BEND6: variants seen among roughly 807,000 people sequenced by gnomAD.
BEND6 encodes BEN domain containing 6, also known as BEN domain-containing protein 6.
In BEND6, 24 loss-of-function variants were observed where a neutral mutation model predicts 31.8. The observed-to-expected ratio is 0.75, with a 90% CI of 0.55 to 1.06. The LOEUF (loss-of-function observed/expected upper bound fraction) is 1.06, where lower values mean the gene tolerates loss of function less well. Ranked by LOEUF, BEND6 falls within the 50% of genes least tolerant of loss-of-function variation. The probability of loss-of-function intolerance (pLI) is 0.00; values close to 1 mark genes in which losing one functional copy is unlikely to be tolerated. For synonymous variants in BEND6, 109 were observed against 114.6 expected (o/e 0.95, Z 0.31); for missense variants, 294 against 327.4 (o/e 0.90, Z 0.79).
rs114042728 is a variant in BEND6 at position 56,970,019 on chromosome 6, A to G, written c.-100-11692A>G. On this transcript the variant is annotated intron_variant, in intron 1 of 6. Coordinates refer to ENST00000370746, the MANE Select transcript of BEND6 (RefSeq NM_152731.3). Reference sequence around the variant, plus strand: ...GCACTTTTTTTAAATGAAATAAAATAGAGCAGACAGAATAGAAACTGAGAC... The same window carrying G: ...GCACTTTTTTTAAATGAAATAAAATGGAGCAGACAGAATAGAAACTGAGAC... 3.5e-3 allele frequency among the ~76,000 whole-genome samples: 531 copies of G among 152,330 alleles called. 5 individuals are homozygous for G. The highest frequency in any genetic ancestry group is 0.012 in the African/African-American group (490 of 41,572).
chr6:56,966,808 T>C (rs1383489511), intron 1 of BEND6, among the ~76,000 whole-genome samples: 1 of 152,186 alleles, frequency 6.6e-6, no homozygotes, highest in African/African-American at 2.4e-5. Flanking sequence ...ACAGAGGGAC[T>C]CTGGTACAGA....
At chr6:57,011,848 G>A (rs1343067882) in intron 3 of BEND6, among the ~76,000 whole-genome samples, 2 of 151,968 alleles carry the variant, frequency 1.3e-5, no homozygotes, top group East Asian at 1.9e-4. Flanking sequence ...TTACAGGACC[G>A]GGCATGGTGG....
chr6:56,960,518 G>C (rs1242321702), intron 1 of BEND6, among the ~76,000 whole-genome samples: 4 of 152,198 alleles, frequency 2.6e-5, no homozygotes, highest in African/African-American at 4.8e-5. Context: ...TACAAATTAA[G>C]TTCTAGGTTG....
chr6:56,975,891 C>T (rs1218125302), intron 1 of BEND6: 12 of 526,042 alleles, frequency 2.3e-5, no homozygotes, highest in Non-Finnish European at 4.6e-5. Flanking sequence ...CTTGCAGGTT[C>T]AACAATAACA....
intron 3 of BEND6, among the ~76,000 whole-genome samples, chr6:56,993,443 A>G (rs933171616): frequency 1.3e-5 from 2 of 152,228 alleles, no homozygotes; most frequent in African/African-American, 4.8e-5. Context: ...GTCCAGTCTC[A>G]CATGGTAGCA....
chr6:56,956,579 T>C (rs984645577), intron 1 of BEND6, among the ~76,000 whole-genome samples: 1 of 152,242 alleles, frequency 6.6e-6, no homozygotes, highest in Non-Finnish European at 1.5e-5. Flanking sequence ...TGTTGACATG[T>C]TGCATCTCAT....
chr6:56,969,732 TG>T (rs1221196026), intron 1 of BEND6, among the ~76,000 whole-genome samples: 81 of 151,896 alleles, frequency 5.3e-4, no homozygotes, highest in African/African-American at 1.6e-3. Context: ...TTGGTGACTT[TG>T]TTTTTTTTTT....
chr6:57,014,031 T>C (rs1485683667), intron 3 of BEND6: 1 of 152,716 alleles, frequency 6.5e-6, no homozygotes, highest in African/African-American at 2.4e-5. Context: ...CAGGTAAAGA[T>C]AATACCTATC....
intron 3 of BEND6, chr6:57,009,704 T>C (rs916676187): frequency 3.9e-5 from 6 of 152,130 alleles, no homozygotes; most frequent in Non-Finnish European, 8.8e-5. Context: ...TAGAAGAGCT[T>C]CCCACAAGCC....
At chr6:57,015,798 G>A (rs954675250) in intron 4 of BEND6, among the ~76,000 whole-genome samples, 18 of 146,398 alleles carry the variant, frequency 1.2e-4, no homozygotes, top group Admixed American at 8.9e-4. Flanking sequence ...GCGACAGAGC[G>A]AGACTCCGTC....
At chr6:56,998,025 T>A (rs1208618036) in intron 3 of BEND6, among the ~76,000 whole-genome samples, 4 of 151,832 alleles carry the variant, frequency 2.6e-5, no homozygotes, top group Non-Finnish European at 5.9e-5. Context: ...AAAAGATAAT[T>A]CACTAAATTA....
At chr6:56,972,398 G>A (rs891735251) in intron 1 of BEND6, among the ~76,000 whole-genome samples, 2 of 151,986 alleles carry the variant, frequency 1.3e-5, no homozygotes, top group East Asian at 1.9e-4. Flanking sequence ...CCCAGCCACC[G>A]CATGTTTCCT....
intron 6 of BEND6, among the ~76,000 whole-genome samples, chr6:57,020,522 G>C (rs1171708895): frequency 6.6e-6 from 1 of 152,114 alleles, no homozygotes; most frequent in Non-Finnish European, 1.5e-5. Context: ...CTGGGTTCAA[G>C]CAATCCTCCC....
intron 1 of BEND6, among the ~76,000 whole-genome samples, chr6:56,967,320 T>C (rs1186154449): frequency 6.6e-6 from 1 of 152,122 alleles, no homozygotes; most frequent in Admixed American, 6.5e-5. Context: ...GGGCTAGTCA[T>C]AGTGGAAATG....
chr6:56,956,561 A>G (rs183356102), intron 1 of BEND6, among the ~76,000 whole-genome samples: 57 of 152,376 alleles, frequency 3.7e-4, no homozygotes, highest in African/African-American at 1.3e-3. Context: ...CAAAATAAAC[A>G]TTCGAATTGT....
chr6:56,991,223 C>G (rs1471310346), intron 2 of BEND6, among the ~76,000 whole-genome samples: 1 of 152,066 alleles, frequency 6.6e-6, no homozygotes, highest in South Asian at 2.1e-4. Flanking sequence ...TTGTTTTTTA[C>G]TTCTTTCATA....
intron 1 of BEND6, among the ~76,000 whole-genome samples, chr6:56,956,388 G>T (rs759832511): frequency 2.0e-5 from 3 of 152,194 alleles, no homozygotes; most frequent in Non-Finnish European, 4.4e-5. Flanking sequence ...AAACCGTACA[G>T]CTCTGCATGA....
chr6:56,979,405 A>G (rs1825994215), intron 1 of BEND6, among the ~76,000 whole-genome samples: 1 of 152,228 alleles, frequency 6.6e-6, no homozygotes, highest in Admixed American at 6.5e-5. Context: ...CACACTTTTA[A>G]ATGGTTAAAA....
At chr6:56,975,810 G>A (rs577676435) in intron 1 of BEND6, 3 of 535,268 alleles carry the variant, frequency 5.6e-6, no homozygotes, top group Non-Finnish European at 1.1e-5. Context: ...ATAATATATT[G>A]TCCATTTACT....
Sources: gnomAD v4.1 joint callset for allele counts (sites outside exome capture counted in the v4.1 genomes callset) on GRCh38, gnomAD v4.1.1 for gene constraint, MANE v1.5 for transcripts, NCBI Gene and HGNC (gene_info 2026-07-23, HGNC 2026-07-21) for gene names.